Variants in PRCD observed in about 807,000 individuals in gnomAD.
PRCD encodes photoreceptor disc component, also known as photoreceptor disk component PRCD.
In PRCD, 12 loss-of-function variants were observed where a neutral mutation model predicts 10.1. The observed-to-expected ratio is 1.18, with a 90% CI of 0.76 to 1.92. The LOEUF (loss-of-function observed/expected upper bound fraction) is 1.92. Among genes scored for constraint, PRCD ranks in the 40% most tolerant of loss-of-function variants. The pLI, the probability that PRCD is intolerant of heterozygous loss-of-function variation, is 0.00. For synonymous variants in PRCD, 31 were observed against 26.2 expected, an observed-to-expected ratio of 1.18 and a Z score of -0.56; for missense variants, 61 against 72.2, an observed-to-expected ratio of 0.84 and a Z score of 0.56.
chr17:76,544,253 C>T lies in PRCD; in HGVS notation c.*603C>T, dbSNP rs576935421. ...CCAGCCAGCCCCCCTCCCAGCCCAGCGGCGATGTCTCTGCCTGGCTGGCCC... is the reference window on the plus strand; with the variant it reads ...CCAGCCAGCCCCCCTCCCAGCCCAGTGGCGATGTCTCTGCCTGGCTGGCCC... On this transcript the variant is annotated 3_prime_UTR_variant, in exon 5 of 5. Transcript: ENST00000592014. 2.6e-5 allele frequency: 12 copies of T among 454,546 alleles called. No homozygotes were observed. Among genetic ancestry groups the T allele is most frequent in the African/African-American group, 2.0e-4 (10 of 50,130 alleles). 28.2% of individuals were successfully genotyped at this position (454,546 alleles called of 1,614,324 possible). A position where few individuals can be genotyped will look rare whatever the true frequency, so the allele number is the denominator to read the frequency against.
At chr17:76,553,479 C>T (rs1037331356) in exon 2 of PRCD, 1 of 152,236 alleles carries the variant, frequency 6.6e-6, no homozygotes, top group Non-Finnish European at 1.5e-5. Context: ...TCGCTGCTGC[C>T]ACCGTTCCAA....
intron 1 of PRCD, chr17:76,550,942 T>A (rs765472190): frequency 2.6e-5 from 4 of 152,216 alleles, no homozygotes; most frequent in Admixed American, 6.5e-5. Context: ...CTCCTCCTCC[T>A]CCTCATTTTA....
Position 76,540,227 on chromosome 17 carries a change from A to T in PRCD, c.74+12A>T. ...AACCGAGTCCAACCGTGAGAAACTGACCGGGCTATGGCTGGCGGTTGGTCG... is the reference window on the plus strand; with the variant it reads ...AACCGAGTCCAACCGTGAGAAACTGTCCGGGCTATGGCTGGCGGTTGGTCG... On this transcript the variant is annotated intron_variant, in intron 1 of 4. Coordinates refer to ENST00000592014, the MANE Select transcript of PRCD (RefSeq NM_001077620.3). This position sits in a 1 kb window ranked among gnomAD's most constrained non-coding sequence, Gnocchi z 5.0. The T allele has an allele frequency of 1.2e-6, 1 of 850,750 alleles. No homozygotes were observed. The highest frequency in any genetic ancestry group is 1.7e-6 in the Non-Finnish European group (1 of 586,078). The allele number at this position is 850,750 out of a possible 1,614,324, so 52.7% of individuals were successfully genotyped here. A position where few individuals can be genotyped will look rare whatever the true frequency, so the allele number is the denominator to read the frequency against.
At position 76,530,383 on chromosome 17, in the gene PRCD, C is replaced by G. The variant is rs140766782; in HGVS notation, n.45+2550C>G. Among the ~76,000 whole-genome samples the G allele has an allele frequency of 1.3e-3, 196 of 152,268 alleles. 1 individual carries two copies. Among genetic ancestry groups the G allele is most frequent in the African/African-American group, 4.6e-3 (190 of 41,554 alleles). ...CTTGAGCCACCTCCTGGGCCCAGAA[C>G]TGGAAGCCCAGCCTCCAGGTCAGCC... is the stretch of plus-strand genomic sequence containing the variant. On this transcript the variant is annotated intron_variant and non_coding_transcript_variant, in intron 1 of 4. Coordinates refer to the PRCD transcript ENST00000397633. This position sits in a 1 kb window ranked among gnomAD's most constrained non-coding sequence, Gnocchi z 6.1.
rs1194423414 is a variant in PRCD, at chr17:76,544,167, G to A, written c.*517G>A. On this transcript the variant is annotated 3_prime_UTR_variant, in exon 5 of 5. Coordinates refer to ENST00000592014, the MANE Select transcript of PRCD (RefSeq NM_001077620.3). ...GACCCTGCAGGCAGCTGCTCCTGAT[G>A]TCTCACAGCTATTAGTCTTCAAAAA... 2.2e-6 allele frequency: 1 copy of A among 454,536 alleles called. No individual in the cohort carries two copies. Among genetic ancestry groups the A allele is most frequent in the Non-Finnish European group, 4.4e-6 (1 of 226,840 alleles). The allele number at this position is 454,536 out of a possible 1,614,324, so 28.2% of individuals were successfully genotyped here.
chr17:76,544,350 T>C lies in PRCD; in HGVS notation c.*700T>C. 2.2e-6 allele frequency: 1 copy of C among 454,664 alleles called. No homozygotes were observed. The highest frequency in any genetic ancestry group is 4.4e-6 in the Non-Finnish European group (1 of 226,882). The allele number at this position is 454,664 out of a possible 1,614,324, so 28.2% of individuals were successfully genotyped here. On this transcript the variant is annotated 3_prime_UTR_variant, in exon 5 of 5. Transcript: ENST00000592014. The stretch of plus-strand genomic sequence containing the variant: ...AGCACTTCAGCCGCCACTCTGCCTC[T>C]GAAGGGAAGGAAGGGAAAGGGTGAG...
At chr17:76,535,717 G>C (rs1307988244), upstream of PRCD, among the ~76,000 whole-genome samples, 1 of 152,184 alleles carries the variant, frequency 6.6e-6, no homozygotes, top group Admixed American at 6.5e-5. Context: ...CTGAAAACTC[G>C]GACTGCCCAG....
rs766888439 is a variant in PRCD at position 76,544,184 on chromosome 17, C to T, written c.*534C>T. On this transcript the variant is annotated 3_prime_UTR_variant, in exon 5 of 5. Transcript: ENST00000592014. The stretch of plus-strand genomic sequence containing the variant: ...CTCCTGATGTCTCACAGCTATTAGT[C>T]TTCAAAAACCCCCCGTGCCTCTGTG... The T allele has an allele frequency of 7.5e-5, 34 of 454,536 alleles. No individual in the cohort carries two copies. The highest frequency in any genetic ancestry group is 2.6e-4 in the Admixed American group (11 of 42,580). 28.2% of individuals were successfully genotyped at this position (454,536 alleles called of 1,614,324 possible).
intron 2 of PRCD, among the ~76,000 whole-genome samples, chr17:76,541,432 G>A (rs1598212676): frequency 6.6e-6 from 1 of 152,312 alleles, no homozygotes; most frequent in East Asian, 1.9e-4. Flanking sequence ...GGCGGGTACT[G>A]TGACCATCCA....
At chr17:76,540,015 TA>T (rs1472949544), upstream of PRCD, 19 of 1,002,832 alleles carry the variant, frequency 1.9e-5, no homozygotes, top group Non-Finnish European at 2.9e-5. The surrounding 1 kb of genome is among the most constrained non-coding windows in gnomAD (Gnocchi z 5.0). Flanking sequence ...TTGAGCCTCC[TA>T]ATCCATCCCC....
At chr17:76,549,696 A>G (rs1179073411), downstream of PRCD, among the ~76,000 whole-genome samples, 3 of 152,276 alleles carry the variant, frequency 2.0e-5, no homozygotes, top group African/African-American at 7.2e-5. Flanking sequence ...GTGGGAACAG[A>G]TAAACACACT....
At chr17:76,537,975 G>C (rs962068527), upstream of PRCD, 4 of 151,498 alleles carry the variant, frequency 2.6e-5, no homozygotes, top group Admixed American at 2.6e-4. Flanking sequence ...TGGGGGTCCC[G>C]GGAGGAATGG....
intron 1 of PRCD, among the ~76,000 whole-genome samples, chr17:76,552,555 A>G (rs1004846416): frequency 6.6e-6 from 1 of 151,850 alleles, no homozygotes; most frequent in Non-Finnish European, 1.5e-5. Flanking sequence ...TGTAAGACAC[A>G]TCCTGCATTT....
chr17:76,541,932 ATG>A, intron 2 of PRCD, among the ~76,000 whole-genome samples: 1 of 152,268 alleles, frequency 6.6e-6, no homozygotes, highest in South Asian at 2.1e-4. Context: ...TGCTCCATAA[ATG>A]CTAGCAGCTG....
downstream of PRCD, among the ~76,000 whole-genome samples, chr17:76,548,210 T>G (rs562405975): frequency 4.6e-5 from 7 of 151,460 alleles, no homozygotes; most frequent in African/African-American, 1.7e-4. Context: ...CATACAGACA[T>G]ATACACTTAT....
chr17:76,537,368 C>T (rs747878066), upstream of PRCD: 50 of 1,565,294 alleles, frequency 3.2e-5, no homozygotes, highest in East Asian at 5.1e-5. Context: ...GCCCTCCCTG[C>T]CCAGGGCCCG....
At chr17:76,536,506 G>A (rs1334022739), upstream of PRCD, among the ~76,000 whole-genome samples, 1 of 152,190 alleles carries the variant, frequency 6.6e-6, no homozygotes, top group Admixed American at 6.5e-5. Context: ...GGACCAGCAC[G>A]TGTGGAAAGA....
chr17:76,539,587 A>G (rs1159075715), upstream of PRCD, among the ~76,000 whole-genome samples: 6 of 152,114 alleles, frequency 3.9e-5, no homozygotes, highest in African/African-American at 1.4e-4. Flanking sequence ...TGATGCTTCC[A>G]CGGTGACATC....
chr17:76,534,146 T>TCTCTCTCTC (rs2074885915), intron 1 of PRCD, among the ~76,000 whole-genome samples: 4 of 128,902 alleles, frequency 3.1e-5, no homozygotes, highest in African/African-American at 8.2e-5. Context: ...CTCTTTCTCT[T>TCTCTCTCTC]TCTCTCTCTC....
Sources: gnomAD v4.1 joint callset for allele counts (sites outside exome capture counted in the v4.1 genomes callset) on GRCh38, gnomAD v4.1.1 for gene constraint, Gnocchi (gnomAD v3.1) non-coding constraint, MANE v1.5 for transcripts, NCBI Gene and HGNC (gene_info 2026-07-23, HGNC 2026-07-21) for gene names.